UBXN7: variants seen among roughly 807,000 people sequenced by gnomAD.
UBXN7 encodes UBX domain protein 7, also known as UBX domain-containing protein 7.
In UBXN7, 9 loss-of-function variants were observed where a neutral mutation model predicts 58.0. That is an observed-to-expected ratio of 0.16 (90% CI 0.09 to 0.27). The LOEUF (loss-of-function observed/expected upper bound fraction) is 0.27. UBXN7 is among the 10% of genes least tolerant of loss of function. UBXN7 has a pLI of 1.00. For missense variants in UBXN7, 328 were observed against 599.6 expected (o/e 0.55, Z 4.73); for synonymous variants, 208 against 205.0 (o/e 1.01, Z -0.12).
chr3:196,389,070 A>C (rs533081145), intron 5 of UBXN7, among the ~76,000 whole-genome samples: 1 of 152,216 alleles, frequency 6.6e-6, no homozygotes, highest in Admixed American at 6.5e-5. Flanking sequence ...TTTTCACTCC[A>C]AAGTGACCAA....
intron 1 of UBXN7, among the ~76,000 whole-genome samples, chr3:196,412,401 T>C (rs1164825708): frequency 6.6e-6 from 1 of 151,964 alleles, no homozygotes; most frequent in Admixed American, 6.6e-5. Context: ...TTATACCCAT[T>C]AAAAAGGCTA....
intron 1 of UBXN7, 46 bp from the exon 2 acceptor site, chr3:196,407,439 AAAGAC>A: frequency 1.3e-6 from 2 of 1,556,874 alleles, no homozygotes; most frequent in South Asian, 1.2e-5. Flanking sequence ...AAAAAAAAAA[AAAGAC>A]AGCCTCTTTC....
rs767241079 is a variant in UBXN7, at chr3:196,407,258, C to G, written c.209G>C (p.Arg70Thr). The G allele has an allele frequency of 6.8e-6, 11 of 1,613,856 alleles. No homozygotes were observed. Among genetic ancestry groups the G allele is most frequent in the Non-Finnish European group, 9.3e-6 (11 of 1,179,996 alleles). Reference sequence around the variant, plus strand: ...AATAAATTCATACTCTGTGTGTGGTCTGACAGTAGAGACACTTGCTGAACT... The same window carrying G: ...AATAAATTCATACTCTGTGTGTGGTGTGACAGTAGAGACACTTGCTGAACT... ...STSSASVSTV[R>T]PHTEEEVRAP... The change falls in exon 2 of 11, where the codon AGA becomes ACA. Residue 70 changes from arginine (R) to threonine (T), a missense_variant. Coordinates refer to ENST00000296328, the MANE Select transcript of UBXN7 (RefSeq NM_015562.2).
intron 1 of UBXN7, among the ~76,000 whole-genome samples, chr3:196,427,194 T>C (rs556093224): frequency 3.2e-4 from 49 of 152,320 alleles, no homozygotes; most frequent in Admixed American, 9.8e-4. Context: ...CACCAGTGTA[T>C]ATGTGTAGTG....
chr3:196,375,932 GGTACAA>G (rs1729005022), intron 5 of UBXN7, among the ~76,000 whole-genome samples: 1 of 152,212 alleles, frequency 6.6e-6, no homozygotes, highest in Non-Finnish European at 1.5e-5. Flanking sequence ...GGGTAGCTGA[GGTACAA>G]GTATTGCTTG....
chr3:196,422,799 T>C (rs1248240394), intron 1 of UBXN7, among the ~76,000 whole-genome samples: 1 of 152,178 alleles, frequency 6.6e-6, no homozygotes, highest in African/African-American at 2.4e-5. Context: ...ATTCACACAC[T>C]TGTACACGAC....
intron 1 of UBXN7, among the ~76,000 whole-genome samples, chr3:196,430,969 C>T (rs1731014456): frequency 6.6e-6 from 1 of 152,130 alleles, no homozygotes. Context: ...AATTTTATTG[C>T]AAATTTTACT....
At chr3:196,381,503 A>C (rs550129027) in intron 5 of UBXN7, among the ~76,000 whole-genome samples, 2 of 152,352 alleles carry the variant, frequency 1.3e-5, no homozygotes, top group Admixed American at 1.3e-4. Flanking sequence ...TCAAAGACCA[A>C]AGGTAGATAA....
intron 1 of UBXN7, among the ~76,000 whole-genome samples, chr3:196,429,094 G>A (rs1159717264): frequency 2.0e-5 from 3 of 151,964 alleles, no homozygotes; most frequent in Non-Finnish European, 4.4e-5. Flanking sequence ...TTGGGAGGCC[G>A]AGGCAGGCGG....
At chr3:196,421,414 AG>A (rs1201201240) in intron 1 of UBXN7, among the ~76,000 whole-genome samples, 3 of 152,230 alleles carry the variant, frequency 2.0e-5, no homozygotes, top group African/African-American at 7.2e-5. Flanking sequence ...AAACGTTTAC[AG>A]CAATTTGAGA....
chr3:196,427,065 A>C (rs1560247163), intron 1 of UBXN7, among the ~76,000 whole-genome samples: 1 of 152,262 alleles, frequency 6.6e-6, no homozygotes, highest in African/African-American at 2.4e-5. Flanking sequence ...TACTCTTCTT[A>C]GCCTCCACTT....
intron 5 of UBXN7, among the ~76,000 whole-genome samples, chr3:196,378,344 A>G (rs2108837715): frequency 6.6e-6 from 1 of 152,316 alleles, no homozygotes; most frequent in Middle Eastern, 3.4e-3. Context: ...TGGAATGTAG[A>G]CAGAAGTGCT....
chr3:196,427,240 C>T lies in UBXN7; in HGVS notation c.73+5087G>A, dbSNP rs554543217. 5.9e-5 allele frequency among the ~76,000 whole-genome samples: 9 copies of T among 152,276 alleles called. No individual in the cohort carries two copies. The East Asian group carries it at 1.2e-3, about 20-fold the overall frequency. On this transcript the variant is annotated intron_variant, in intron 1 of 10. Coordinates refer to ENST00000296328, the MANE Select transcript of UBXN7 (RefSeq NM_015562.2). ...CAAAGTTGGTGCTAATGGAATACTG[C>T]CATGGCTCAAAACATTTTTACTTTT...
Position 196,393,619 on chromosome 3 carries a change from G to A in UBXN7, c.290C>T (p.Ala97Val). The change falls in exon 4 of 11, where the codon GCT becomes GTT. Residue 97 changes from alanine to valine, a missense_variant and splice_region_variant. Around this residue, in one of 4 missense-constraint regions of UBXN7, gnomAD observed 106 missense variants for 124.3 expected, o/e 0.85. Transcript: ENST00000296328. ...ILVEPEPLFGAPKRRRPARSI... is the reference protein window; with the variant it reads ...ILVEPEPLFGVPKRRRPARSI... ...ACGTGCAGGCCGTCGTCTTTTAGGA[G>A]CTTTGGGGAGAAAAAATAGAATTGA... The A allele has an allele frequency of 6.2e-7, 1 of 1,604,782 alleles. No homozygotes were observed. The highest frequency in any genetic ancestry group is 8.5e-7 in the Non-Finnish European group (1 of 1,177,180).
chr3:196,426,532 G>A (rs1730853191), intron 1 of UBXN7, among the ~76,000 whole-genome samples: 1 of 151,888 alleles, frequency 6.6e-6, no homozygotes, highest in Non-Finnish European at 1.5e-5. Context: ...TAACCCAAGA[G>A]AAAGGAAATG....
chr3:196,396,520 T>G (rs1471051973), intron 3 of UBXN7, among the ~76,000 whole-genome samples: 1 of 152,144 alleles, frequency 6.6e-6, no homozygotes, highest in Non-Finnish European at 1.5e-5. Flanking sequence ...CCCAGCACTT[T>G]GGGAGACCGA....
In UBXN7 at chr3:196,432,363, G is replaced by A. The variant is rs199874408; in HGVS notation, c.37C>T (p.Leu13=). 1.0e-4 allele frequency: 163 copies of A among 1,599,792 alleles called. No homozygotes were observed. In the African/African-American group the frequency reaches 2.0e-3, roughly 20 times the overall value. Reference sequence around the variant, plus strand: ...GTGAACTGTTGAATTAACCCCTTCAGCGCCGAGGACGCCGCGGAGCCCCCG... The same window carrying A: ...GTGAACTGTTGAATTAACCCCTTCAACGCCGAGGACGCCGCGGAGCCCCCG... ...AHGGSAASSA[L]KGLIQQFTTI... Residue 13 remains leucine (L), a synonymous_variant, in exon 1 of 11, where the codon CTG becomes TTG. Coordinates refer to ENST00000296328, the MANE Select transcript of UBXN7 (RefSeq NM_015562.2).
At chr3:196,402,850 C>T (rs1256818219) in intron 3 of UBXN7, 102 bp downstream of exon 3, 43 of 1,285,106 alleles carry the variant, frequency 3.3e-5, no homozygotes, top group Admixed American at 1.0e-4. Context: ...AATGACACCA[C>T]ACTTCTAACA....
rs1438512664 is a variant in UBXN7 at position 196,353,404 on chromosome 3, TTTCTC to T, written c.*3276_*3280del. 1.3e-5 allele frequency: 2 copies of T among 152,210 alleles called. No homozygotes were observed. The highest frequency in any genetic ancestry group is 2.4e-5 in the African/African-American group (1 of 41,452). The allele number at this position is 152,210 out of a possible 1,614,324, so 9.4% of individuals were successfully genotyped here. On this transcript the variant is annotated 3_prime_UTR_variant, in exon 11 of 11. Coordinates refer to ENST00000296328, the MANE Select transcript of UBXN7 (RefSeq NM_015562.2). Reference sequence around the variant, plus strand: ...TTCTTTTCTCATTTGGCACTGTTGTTTTCTCTTCTCCAGTTCCTTCCGATACCAAT... The same window carrying T: ...TTCTTTTCTCATTTGGCACTGTTGTTTTCTCCAGTTCCTTCCGATACCAAT...
Sources: allele counts gnomAD v4.1 joint callset (sites outside exome capture counted in the v4.1 genomes callset), GRCh38; gene constraint gnomAD v4.1.1; regional missense constraint gnomAD v4.1.1; transcripts MANE v1.5; gene names NCBI Gene and HGNC (gene_info 2026-07-23, HGNC 2026-07-21).